Variants in SMPX observed in about 807,000 individuals in gnomAD.
SMPX encodes the protein small muscle protein X-linked, also known as small muscular protein.
SMPX carries 2 observed loss-of-function variants against 6.3 expected under a neutral mutation model. The observed-to-expected ratio is 0.32, with a 90% confidence interval of 0.13 to 0.99. SMPX has a LOEUF of 0.99. Ranked by LOEUF, SMPX falls within the 50% of genes least tolerant of loss-of-function variation. The pLI is 0.49. For synonymous variants in SMPX, 32 were observed against 24.7 expected, an observed-to-expected ratio of 1.30 and a Z score of -0.88; for missense variants, 60 against 66.8, an observed-to-expected ratio of 0.90 and a Z score of 0.36.
intron 4 of SMPX, among the ~76,000 whole-genome samples, chrX:21,713,033 T>C (rs1056809760): frequency 1.8e-5 from 2 of 112,220 alleles, no homozygotes; most frequent in African/African-American, 6.5e-5. Flanking sequence ...GGAAAGCACA[T>C]TGTCATAGTG....
chrX:21,754,391 G>T (rs2092830586), intron 1 of SMPX, 89 bp from the exon 2 acceptor site: 1 of 729,263 alleles, frequency 1.4e-6, no homozygotes, highest in African/African-American at 2.1e-5. Flanking sequence ...ATTCAACTGG[G>T]CAGTCACCCC....
chrX:21,726,702 T>C (rs2092797338), intron 4 of SMPX, among the ~76,000 whole-genome samples: 1 of 112,077 alleles, frequency 8.9e-6, no homozygotes, highest in Non-Finnish European at 1.9e-5. Flanking sequence ...CCCTGAGGTG[T>C]GACAATCAAA....
chrX:21,756,420 T>C (rs922212960), intron 1 of SMPX, among the ~76,000 whole-genome samples: 7 of 112,362 alleles, frequency 6.2e-5, no homozygotes, highest in African/African-American at 1.9e-4. Context: ...GTATTTTTGG[T>C]AGATTCTGAT....
intron 4 of SMPX, among the ~76,000 whole-genome samples, chrX:21,717,436 C>G (rs2092786473): frequency 8.9e-6 from 1 of 112,284 alleles, no homozygotes; most frequent in African/African-American, 3.2e-5. Context: ...TCAAATATGT[C>G]TTTATTAACA....
At chrX:21,718,449 G>A (rs1432659631) in intron 4 of SMPX, among the ~76,000 whole-genome samples, 1 of 111,916 alleles carries the variant, frequency 8.9e-6, no homozygotes, top group Non-Finnish European at 1.9e-5. Flanking sequence ...TTCCATCGAG[G>A]GCTGAGGAAA....
At chrX:21,714,086 A>G in intron 4 of SMPX, among the ~76,000 whole-genome samples, 2 of 111,864 alleles carry the variant, frequency 1.8e-5, no homozygotes, top group Middle Eastern at 9.5e-3. Flanking sequence ...TTCATTTGAG[A>G]AATACTAGTT....
chrX:21,720,122 T>C (rs757855463), intron 4 of SMPX, among the ~76,000 whole-genome samples: 2 of 112,402 alleles, frequency 1.8e-5, no homozygotes, highest in African/African-American at 6.5e-5. Flanking sequence ...CCCTTCGACA[T>C]AGAATAGGGC....
At chrX:21,731,660 ATG>A (rs1405755610) in intron 4 of SMPX, among the ~76,000 whole-genome samples, 2 of 96,112 alleles carry the variant, frequency 2.1e-5, no homozygotes, top group Non-Finnish European at 4.2e-5. Flanking sequence ...ATAAGTGTGT[ATG>A]TGTATGTGTA....
chrX:21,746,573 A>G (rs1041937218), intron 2 of SMPX, among the ~76,000 whole-genome samples: 1 of 111,429 alleles, frequency 9.0e-6, no homozygotes, highest in Admixed American at 9.6e-5. Flanking sequence ...ACATTGAAAA[A>G]TGAGCCATTA....
At position 21,731,525 on chromosome X, in the gene SMPX, C is replaced by T. The variant is rs868690667; in HGVS notation, c.*14+6024G>A. On this transcript the variant is annotated intron_variant, in intron 4 of 4. Coordinates refer to ENST00000379494, the MANE Select transcript of SMPX (RefSeq NM_014332.3). ...CATACACATTATGTGTGTATGTGTA[C>T]ACATACACATTATGTGTGTATGTGT... Among the ~76,000 whole-genome samples, 22 of 60,084 alleles carry T rather than the reference C, an allele frequency of 3.7e-4. 2 individuals carry two copies. Among genetic ancestry groups the T allele is most frequent in the East Asian group, 1.8e-3 (3 of 1,632 alleles). 52.2% of individuals were successfully genotyped at this position (60,084 alleles called of 115,157 possible).
At chrX:21,745,273 G>C (rs1357338090) in intron 2 of SMPX, among the ~76,000 whole-genome samples, 1 of 111,702 alleles carries the variant, frequency 9.0e-6, no homozygotes, top group Admixed American at 9.5e-5. Flanking sequence ...ACCTAAGGCT[G>C]AGCTTTCTAT....
chrX:21,710,067 T>TAGGATG (rs1397107834), intron 4 of SMPX, among the ~76,000 whole-genome samples: 3 of 111,892 alleles, frequency 2.7e-5, no homozygotes, highest in African/African-American at 6.5e-5. Flanking sequence ...CTGAGAAACA[T>TAGGATG]AGGATGAGCC....
rs147299043 is a variant in SMPX at position 21,731,660 on chromosome X, A to G, written c.*14+5889T>C. ...TGTGTACATGTACACATAAGTGTGT[A>G]TGTGTATGTGTACACATTAATGTGT... On this transcript the variant is annotated intron_variant, in intron 4 of 4. Transcript: ENST00000379494. Among the ~76,000 whole-genome samples the G allele has an allele frequency of 2.5e-3, 236 of 96,103 alleles. 4 individuals are homozygous for G. Among genetic ancestry groups the G allele is most frequent in the African/African-American group, 8.5e-3 (220 of 25,907 alleles). 83.5% of individuals were successfully genotyped at this position (96,103 alleles called of 115,157 possible).
intron 2 of SMPX, among the ~76,000 whole-genome samples, chrX:21,751,761 T>A (rs1021698983): frequency 5.4e-5 from 6 of 111,779 alleles, no homozygotes; most frequent in African/African-American, 2.0e-4. Flanking sequence ...GACTAGAGGG[T>A]ATGGAGTAGA....
rs1230224467 is a variant in SMPX at position 21,717,837 on chromosome X, T to G, written c.*15-11443A>C. ...TGAGACTTGAATGATGGGTAGGAGT[T>G]AGCCAGATAATGAATACGGGAGGGA... On this transcript the variant is annotated intron_variant, in intron 4 of 4. Coordinates refer to ENST00000379494, the MANE Select transcript of SMPX (RefSeq NM_014332.3). 2.7e-5 allele frequency among the ~76,000 whole-genome samples: 3 copies of G among 112,231 alleles called. No individual in the cohort carries two copies. In the Admixed American group the frequency reaches 2.8e-4, roughly 11 times the overall value.
At chrX:21,718,147 A>C (rs775404825) in intron 4 of SMPX, among the ~76,000 whole-genome samples, 4 of 112,633 alleles carry the variant, frequency 3.6e-5, no homozygotes, top group Non-Finnish European at 3.7e-5. Flanking sequence ...TGGCAACTGA[A>C]AACAAGTGAG....
chrX:21,707,849 C>G (rs1357961794), intron 4 of SMPX, among the ~76,000 whole-genome samples: 1 of 112,297 alleles, frequency 8.9e-6, no homozygotes, highest in Non-Finnish European at 1.9e-5. Flanking sequence ...AGCAGAGCCC[C>G]CAGATGACCT....
chrX:21,737,819 G>A, intron 3 of SMPX, 122 bp from the exon 4 acceptor site: 2 of 665,294 alleles, frequency 3.0e-6, no homozygotes, highest in Non-Finnish European at 4.7e-6. Context: ...TTCTAGCAGA[G>A]TGACTGTCCC....
intron 2 of SMPX, among the ~76,000 whole-genome samples, chrX:21,753,165 C>T (rs1004717402): frequency 8.9e-6 from 1 of 112,024 alleles, no homozygotes; most frequent in African/African-American, 3.2e-5. Flanking sequence ...GGAATCCTTG[C>T]CAAATTCATA....
Sources: allele counts gnomAD v4.1 joint callset (sites outside exome capture counted in the v4.1 genomes callset), GRCh38; gene constraint gnomAD v4.1.1; transcripts MANE v1.5; gene names NCBI Gene and HGNC (gene_info 2026-07-23, HGNC 2026-07-21).